The following RERE variants were observed in gnomAD, a reference collection of about 807,000 sequenced individuals.
The protein encoded by RERE is arginine-glutamic acid dipeptide repeats protein.
In RERE, 40 loss-of-function variants were observed where a neutral mutation model predicts 146.1. The observed-to-expected ratio is 0.27, with a 90% CI of 0.21 to 0.36. The LOEUF (loss-of-function observed/expected upper bound fraction) is 0.36. RERE is among the 10% of genes least tolerant of loss of function. RERE has a pLI of 1.00. For synonymous variants in RERE, 1,003 were observed against 866.0 expected (o/e 1.16, Z -2.78); for missense variants, 1,933 against 2,138.7 (o/e 0.90, Z 1.90).
chr1:8,678,652 A>G (rs1445714391), intron 1 of RERE, among the ~76,000 whole-genome samples: 1 of 146,174 alleles, frequency 6.8e-6, no homozygotes, highest in Non-Finnish European at 1.5e-5. Context: ...CCGAGATCGT[A>G]CCACTGCACT....
At chr1:8,636,392 G>A (rs989865819) in intron 2 of RERE, among the ~76,000 whole-genome samples, 1 of 152,002 alleles carries the variant, frequency 6.6e-6, no homozygotes, top group Middle Eastern at 3.2e-3. Context: ...AAGAAGGCTG[G>A]GCATGGTGGC....
chr1:8,591,763 A>G (rs2124102663), intron 4 of RERE, among the ~76,000 whole-genome samples: 1 of 152,364 alleles, frequency 6.6e-6, no homozygotes, highest in Non-Finnish European at 1.5e-5. Flanking sequence ...GACAGGTTCC[A>G]TCACGCATGC....
intron 1 of RERE, among the ~76,000 whole-genome samples, chr1:8,666,224 T>TA (rs1376295596): frequency 6.6e-6 from 1 of 152,210 alleles, no homozygotes; most frequent in Non-Finnish European, 1.5e-5. Context: ...CAAGAGTTGT[T>TA]AGTGTCGGCC....
At chr1:8,631,349 T>C (rs1009245106) in intron 2 of RERE, among the ~76,000 whole-genome samples, 4 of 152,172 alleles carry the variant, frequency 2.6e-5, no homozygotes, top group Non-Finnish European at 4.4e-5. Flanking sequence ...CAATGAGCTA[T>C]GACTGTACCA....
intron 2 of RERE, among the ~76,000 whole-genome samples, chr1:8,640,780 T>C (rs542509529): frequency 2.5e-4 from 38 of 152,302 alleles, no homozygotes; most frequent in African/African-American, 8.7e-4. Flanking sequence ...AAGAATGAAG[T>C]GACTAACTTA....
intron 12 of RERE, among the ~76,000 whole-genome samples, chr1:8,386,512 G>T (rs548664211): frequency 1.6e-5 from 2 of 121,552 alleles, no homozygotes; most frequent in African/African-American, 2.7e-5. Flanking sequence ...AACAGCCAGA[G>T]AGCTTCCTTT....
At position 8,656,470 on chromosome 1, in the gene RERE, G is replaced by C. The variant is rs747330304; in HGVS notation, c.-144-29C>G. On this transcript the variant is annotated intron_variant, in intron 1 of 22. Transcript: ENST00000400908. ...GGAGAGAAAAAAGAATGGTTTTAAC[G>C]CTTTTTCATATTTGTTTCCTAAAAT... 6.0e-6 allele frequency: 5 copies of C among 834,536 alleles called. No homozygotes were observed. The East Asian group carries it at 1.0e-4, about 17-fold the overall frequency. The allele number at this position is 834,536 out of a possible 1,614,324, so 51.7% of individuals were successfully genotyped here. A position where few individuals can be genotyped will look rare whatever the true frequency, so the allele number is the denominator to read the frequency against.
intron 12 of RERE, among the ~76,000 whole-genome samples, chr1:8,406,489 G>A (rs145824417): frequency 1.2e-4 from 19 of 152,214 alleles, no homozygotes; most frequent in Non-Finnish European, 2.8e-4. Flanking sequence ...CATGTGGGGG[G>A]AAAACCACAC....
intron 9 of RERE, among the ~76,000 whole-genome samples, chr1:8,495,827 A>T (rs1645037594): frequency 6.6e-6 from 1 of 152,164 alleles, no homozygotes; most frequent in Admixed American, 6.5e-5. Context: ...GTCATCTAAA[A>T]TTTTACTTAA....
At chr1:8,609,217 C>G (rs1450466454) in intron 4 of RERE, among the ~76,000 whole-genome samples, 1 of 149,996 alleles carries the variant, frequency 6.7e-6, no homozygotes, top group East Asian at 1.9e-4. Flanking sequence ...GACCCTGTCT[C>G]CCAAAAAAAA....
At chr1:8,427,637 TA>T (rs33996085) in intron 11 of RERE, among the ~76,000 whole-genome samples, 1,668 of 116,326 alleles carry the variant, frequency 0.014, 26 homozygotes, top group African/African-American at 0.047. Context: ...GGCCCCACTT[TA>T]AAAAAAAAAA....
chr1:8,362,567 G>A (rs1641625932), intron 16 of RERE, 116 bp downstream of exon 16: 7 of 1,342,296 alleles, frequency 5.2e-6, no homozygotes, highest in South Asian at 3.8e-5. Flanking sequence ...TGTCCAGACA[G>A]GCTCCATGAA....
intron 7 of RERE, among the ~76,000 whole-genome samples, chr1:8,537,523 T>G (rs1331260701): frequency 2.0e-5 from 3 of 152,248 alleles, no homozygotes; most frequent in African/African-American, 7.2e-5. Flanking sequence ...AACCTTGGCA[T>G]AAAATTTGTT....
chr1:8,726,751 C>T (rs1639976882), intron 1 of RERE, among the ~76,000 whole-genome samples: 1 of 152,208 alleles, frequency 6.6e-6, no homozygotes, highest in African/African-American at 2.4e-5. Flanking sequence ...TAATTCTAAT[C>T]ATAAGACTCT....
chr1:8,703,409 A>G (rs1639499172), intron 1 of RERE, among the ~76,000 whole-genome samples: 1 of 151,662 alleles, frequency 6.6e-6, no homozygotes, highest in African/African-American at 2.4e-5. Flanking sequence ...CCGGTGACCC[A>G]GACGCCGGGA....
At chr1:8,464,124 T>C (rs1644563653) in intron 11 of RERE, among the ~76,000 whole-genome samples, 1 of 152,240 alleles carries the variant, frequency 6.6e-6, no homozygotes, top group Non-Finnish European at 1.5e-5. Context: ...TTTCTTTCTC[T>C]TTAATAATAA....
rs146012927 is a variant in RERE, at chr1:8,648,096, C to T, written c.325+7877G>A. ...CTGGGGGTCCCCTTAATGTTCTGTT[C>T]CCTGTACCCATAGGGCAATCTCTCT... On this transcript the variant is annotated intron_variant, in intron 2 of 22. Coordinates refer to ENST00000400908, the MANE Select transcript of RERE (RefSeq NM_001042681.2). Among the ~76,000 whole-genome samples the T allele has an allele frequency of 2.4e-3, 368 of 152,272 alleles. 2 individuals carry two copies. Among genetic ancestry groups the T allele is most frequent in the Non-Finnish European group, 3.6e-3 (243 of 68,014 alleles).
chr1:8,816,869 T>C (rs919769923), intron 1 of RERE, among the ~76,000 whole-genome samples: 8 of 152,154 alleles, frequency 5.3e-5, no homozygotes, highest in Non-Finnish European at 1.0e-4. Flanking sequence ...CAGCCAATAA[T>C]GTAGTCACAT....
rs1204526915 is a variant in RERE, at chr1:8,354,636, T to TA, written c.*450dup. 6.8e-6 allele frequency: 1 copy of TA among 147,504 alleles called. No homozygotes were observed. Among genetic ancestry groups the TA allele is most frequent in the Non-Finnish European group, 1.5e-5 (1 of 68,258 alleles). The allele number at this position is 147,504 out of a possible 1,614,324, so 9.1% of individuals were successfully genotyped here. On this transcript the variant is annotated 3_prime_UTR_variant, in exon 23 of 23. Coordinates refer to ENST00000400908, the MANE Select transcript of RERE (RefSeq NM_001042681.2). ...TATTAAAATAAAAGATTTTTTTTTT[T>TA]AAAAATTATAGCTCTTGGATTCCAA...
Sources: gnomAD v4.1 joint callset for allele counts (sites outside exome capture counted in the v4.1 genomes callset) on GRCh38, gnomAD v4.1.1 for gene constraint, MANE v1.5 for transcripts, NCBI Gene and HGNC (gene_info 2026-07-23, HGNC 2026-07-21) for gene names.